The following LRGUK variants were observed in gnomAD, a reference collection of about 807,000 sequenced individuals.
LRGUK encodes the protein leucine rich repeats and guanylate kinase domain containing.
A neutral mutation model predicts 76.0 loss-of-function variants in LRGUK; 65 were observed. The observed-to-expected ratio is 0.85, with a 90% CI of 0.70 to 1.05. The LOEUF is 1.05. Among genes scored for constraint, LRGUK ranks in the 50% least tolerant of loss-of-function variants. The pLI is 0.00. For missense variants in LRGUK, 758 were observed against 732.8 expected, an observed-to-expected ratio of 1.03 and a Z score of -0.40; for synonymous variants, 268 against 265.6, an observed-to-expected ratio of 1.01 and a Z score of -0.09.
chr7:134,135,585 T>C (rs1797489601), intron 1 of LRGUK, among the ~76,000 whole-genome samples: 1 of 152,214 alleles, frequency 6.6e-6, no homozygotes, highest in Non-Finnish European at 1.5e-5. Context: ...CAGTGAAAAC[T>C]TTACCTCCCC....
chr7:134,136,180 A>G (rs1388247578), intron 1 of LRGUK, among the ~76,000 whole-genome samples: 1 of 152,054 alleles, frequency 6.6e-6, no homozygotes, highest in Non-Finnish European at 1.5e-5. Context: ...GTCATTATGG[A>G]GTTGAAGGCA....
chr7:134,273,817 G>T, the LRGUK span, among the ~76,000 whole-genome samples: 1 of 151,826 alleles, frequency 6.6e-6, no homozygotes, highest in Non-Finnish European at 1.5e-5. Context: ...TCATGTCTTT[G>T]TTACATTTTT....
Position 134,157,429 on chromosome 7 carries a change from G to A in LRGUK, c.671-606G>A, listed in dbSNP as rs148720591. 1.7e-3 allele frequency among the ~76,000 whole-genome samples: 260 copies of A among 152,290 alleles called. 1 individual carries two copies. Among genetic ancestry groups the A allele is most frequent in the African/African-American group, 5.9e-3 (247 of 41,576 alleles). On this transcript the variant is annotated intron_variant, in intron 5 of 15. Coordinates refer to ENST00000645682, the Ensembl canonical transcript of LRGUK. ...GTTTCTCATGGAGACTTAACTGATC[G>A]AGGGAAAACACACTGCCAATGAGGC...
In LRGUK at chr7:134,197,878, G is replaced by T. The variant is rs576535509; in HGVS notation, c.1545+773G>T. ...CAAAAATAGTTGATTGTTTTTTCAA[G>T]ATCCTTTAACTGAGCAGTATGACAC... On this transcript the variant is annotated intron_variant, in intron 13 of 15. Transcript: ENST00000645682. Among the ~76,000 whole-genome samples the T allele has an allele frequency of 4.0e-5, 6 of 151,740 alleles. No homozygotes were observed. The East Asian group carries it at 1.2e-3, about 29-fold the overall frequency.
chr7:134,196,103 C>T (rs1800474011), intron 12 of LRGUK, among the ~76,000 whole-genome samples: 1 of 152,108 alleles, frequency 6.6e-6, no homozygotes, highest in East Asian at 1.9e-4. Flanking sequence ...TTCAATGCAG[C>T]CCTGGAAGTT....
At chr7:134,238,175 A>G (rs1802057844) in intron 16 of LRGUK, among the ~76,000 whole-genome samples, 1 of 152,140 alleles carries the variant, frequency 6.6e-6, no homozygotes, top group Non-Finnish European at 1.5e-5. Flanking sequence ...ATAGGTCAAC[A>G]CTGCTCTAGT....
chr7:134,164,994 G>A (rs537262496), intron 7 of LRGUK, among the ~76,000 whole-genome samples: 1 of 152,240 alleles, frequency 6.6e-6, no homozygotes, highest in East Asian at 1.9e-4. Context: ...TTAGTGTCCT[G>A]TTCATGCATT....
At chr7:134,263,774 C>A in intron 19 of LRGUK, 71 bp from the exon 20 acceptor site, 2 of 1,407,892 alleles carry the variant, frequency 1.4e-6, no homozygotes, top group Admixed American at 2.3e-5. Context: ...GTGCTTATAT[C>A]ATGCAACACT....
rs1031610257 is a variant in LRGUK, at chr7:134,218,613, C to A, written c.1844-3166C>A. Among the ~76,000 whole-genome samples the A allele has an allele frequency of 4.6e-5, 7 of 152,164 alleles. No individual in the cohort carries two copies. In the East Asian group the frequency reaches 1.3e-3, roughly 29 times the overall value. ...TGGCTACATGCCTGTGATACCAGAT[C>A]ATCAACATCTTCTATTTTTAACTTT... On this transcript the variant is annotated intron_variant, in intron 15 of 19. Coordinates refer to the LRGUK transcript ENST00000285928.
At chr7:134,167,744 G>A (rs566616480) in intron 7 of LRGUK, among the ~76,000 whole-genome samples, 1 of 152,238 alleles carries the variant, frequency 6.6e-6, no homozygotes, top group Admixed American at 6.5e-5. Context: ...GACAGCTGGT[G>A]TCTCTGCTGG....
intron 7 of LRGUK, among the ~76,000 whole-genome samples, chr7:134,172,212 G>C (rs1013953114): frequency 6.6e-6 from 1 of 152,074 alleles, no homozygotes; most frequent in Admixed American, 6.5e-5. Context: ...GGACTGTACT[G>C]TTACCCATTT....
rs182560526 is a variant in LRGUK, at chr7:134,162,401, T to G, written c.796-996T>G. ...TCCAACACAGTAGCTGCAGTTCTTA[T>G]GTGGTAGCTCAGTACTTCTGAGACA... On this transcript the variant is annotated intron_variant, in intron 6 of 15. Transcript: ENST00000645682. Among the ~76,000 whole-genome samples, 21 of 152,322 alleles carry G rather than the reference T, an allele frequency of 1.4e-4. No homozygotes were observed. In the East Asian group the frequency reaches 4.1e-3, roughly 29 times the overall value.
intron 11 of LRGUK, among the ~76,000 whole-genome samples, chr7:134,187,985 G>A (rs1800044688): frequency 6.6e-6 from 1 of 152,202 alleles, no homozygotes; most frequent in Non-Finnish European, 1.5e-5. Flanking sequence ...GATATGAGCT[G>A]TAGCAACCTA....
At chr7:134,185,265 A>C (rs894264500) in intron 11 of LRGUK, among the ~76,000 whole-genome samples, 4 of 152,214 alleles carry the variant, frequency 2.6e-5, no homozygotes, top group Non-Finnish European at 5.9e-5. Context: ...ACTGAGTTTA[A>C]AGAGTTTTTT....
exon 1 of LRGUK, chr7:134,127,434 T>C: frequency 6.2e-7 from 1 of 1,613,268 alleles, no homozygotes; most frequent in Admixed American, 1.7e-5. Flanking sequence ...CTTGGGCAGA[T>C]CCCGAACTGG....
chr7:134,262,426 A>G (rs1802753084), intron 19 of LRGUK, among the ~76,000 whole-genome samples: 1 of 152,098 alleles, frequency 6.6e-6, no homozygotes, highest in Non-Finnish European at 1.5e-5. Context: ...CTTTATTCCT[A>G]TTTTTTTAAA....
At chr7:134,221,890 C>A in exon 16 of LRGUK, 1 of 1,592,890 alleles carries the variant, frequency 6.3e-7, no homozygotes. Flanking sequence ...AAATTTTGGG[C>A]CAAACTTTCA....
chr7:134,276,501 G>A, the LRGUK span, among the ~76,000 whole-genome samples: 206 of 152,258 alleles, frequency 1.4e-3, 1 homozygote, highest in Non-Finnish European at 2.4e-3. Context: ...GGGGGAGATG[G>A]ATGGGGACAT....
At chr7:134,241,722 A>G (rs984343828) in intron 16 of LRGUK, among the ~76,000 whole-genome samples, 2 of 152,212 alleles carry the variant, frequency 1.3e-5, no homozygotes, top group Admixed American at 6.5e-5. Context: ...ACATCTACAG[A>G]ACTCTCCACC....
Sources: gnomAD v4.1 joint callset for allele counts (sites outside exome capture counted in the v4.1 genomes callset) on GRCh38, gnomAD v4.1.1 for gene constraint, MANE v1.5 for transcripts, NCBI Gene and HGNC (gene_info 2026-07-23, HGNC 2026-07-21) for gene names.